Variants in NUP210 observed in about 807,000 individuals in gnomAD.
NUP210 encodes the protein nucleoporin 210, also known as nuclear pore membrane glycoprotein 210.
Under a neutral mutation model 196.0 loss-of-function variants are expected in NUP210, and 151 were observed. The ratio of observed to expected loss-of-function variants is 0.77; its 90% CI spans 0.67 to 0.88. The LOEUF (loss-of-function observed/expected upper bound fraction) is 0.88, where lower values mean the gene tolerates loss of function less well. NUP210 is among the 40% of genes least tolerant of loss of function. The pLI is 0.00. For synonymous variants in NUP210, 1,070 were observed against 1,052.7 expected, an observed-to-expected ratio of 1.02 and a Z score of -0.32; for missense variants, 2,314 against 2,493.7, an observed-to-expected ratio of 0.93 and a Z score of 1.53.
intron 32 of NUP210, among the ~76,000 whole-genome samples, chr3:13,326,594 G>A (rs1309284193): frequency 2.0e-5 from 3 of 152,188 alleles, no homozygotes; most frequent in Non-Finnish European, 4.4e-5. Flanking sequence ...AATTGTACAC[G>A]TGTTCCACAG....
chr3:13,356,725 C>A (rs926402267), intron 16 of NUP210, among the ~76,000 whole-genome samples: 35 of 152,214 alleles, frequency 2.3e-4, no homozygotes, highest in Non-Finnish European at 7.3e-5. Flanking sequence ...GGCTCAGGAA[C>A]CTGAGCACTG....
At position 13,317,350 on chromosome 3, in the gene NUP210, A is replaced by C; in HGVS notation, c.*331T>G. 1 of 339,528 alleles carries C rather than the reference A, an allele frequency of 2.9e-6. No individual in the cohort carries two copies. The allele number at this position is 339,528 out of a possible 1,614,324, so 21.0% of individuals were successfully genotyped here. A position where few individuals can be genotyped will look rare whatever the true frequency, so the allele number is the denominator to read the frequency against. On this transcript the variant is annotated 3_prime_UTR_variant, in exon 40 of 40. Coordinates refer to ENST00000254508, the MANE Select transcript of NUP210 (RefSeq NM_024923.4). The stretch of plus-strand genomic sequence containing the variant: ...CTTCTAACTGCTCAAAGTCTTGAGA[A>C]GGGAAAGATTTTAGCAAGGCTAGGA...
At chr3:13,388,895 C>A (rs553166362) in intron 4 of NUP210, among the ~76,000 whole-genome samples, 1 of 152,332 alleles carries the variant, frequency 6.6e-6, no homozygotes, top group East Asian at 1.9e-4. Context: ...CCCGGCCTAG[C>A]GCCCAGCTCT....
At chr3:13,391,144 G>T in intron 4 of NUP210, 67 bp downstream of exon 4, 1 of 1,099,324 alleles carries the variant, frequency 9.1e-7, no homozygotes, top group Non-Finnish European at 1.4e-6. Flanking sequence ...CGCTGGTGAG[G>T]AGCTCACAGG....
chr3:13,398,949 A>G (rs1194725085), intron 2 of NUP210, among the ~76,000 whole-genome samples: 1 of 152,112 alleles, frequency 6.6e-6, no homozygotes, highest in Non-Finnish European at 1.5e-5. Flanking sequence ...AGCAACATAA[A>G]AAAGAGAATA....
chr3:13,369,727 CG>C (rs1379864913), intron 13 of NUP210, among the ~76,000 whole-genome samples: 1 of 152,168 alleles, frequency 6.6e-6, no homozygotes, highest in Non-Finnish European at 1.5e-5. Flanking sequence ...TCACCATGTA[CG>C]AGCAGGTTTT....
At position 13,332,462 on chromosome 3, in the gene NUP210, A is replaced by T. The variant is rs372563831; in HGVS notation, c.3844-78T>A. 2.6e-6 allele frequency: 3 copies of T among 1,134,098 alleles called. No homozygotes were observed. In the South Asian group the frequency reaches 3.7e-5, roughly 14 times the overall value. The allele number at this position is 1,134,098 out of a possible 1,614,324, so 70.3% of individuals were successfully genotyped here. On this transcript the variant is annotated intron_variant, in intron 28 of 39. Coordinates refer to ENST00000254508, the MANE Select transcript of NUP210 (RefSeq NM_024923.4). ...GCCAGATGTCTGCTTCTCTCCTAGC[A>T]GCAAGAGCCGAGGAGGGGCCAGAGA...
chr3:13,369,535 T>G (rs570410149), intron 13 of NUP210, among the ~76,000 whole-genome samples: 77 of 152,312 alleles, frequency 5.1e-4, no homozygotes, highest in African/African-American at 1.8e-3. Context: ...TTTTAGAAGT[T>G]TTATAGTTTT....
chr3:13,360,440 T>A lies in NUP210; in HGVS notation c.1984A>T (p.Met662Leu). 1 of 1,613,598 alleles carries A rather than the reference T, an allele frequency of 6.2e-7. No individual in the cohort carries two copies. The highest frequency in any genetic ancestry group is 1.1e-5 in the South Asian group (1 of 90,924). Residue 662 changes from methionine (M) to leucine (L), a missense_variant, in exon 15 of 40, where the codon ATG becomes TTG. Met to Leu is a conservative substitution (Grantham distance 15). Transcript: ENST00000254508. ...GGTCTGGGACCTCCTTCAAACAGCA[T>A]CTCCTTTGAGGAGCCCAGGGTTACC... is the stretch of plus-strand genomic sequence containing the variant. ...ALVTLGSSKE[M>L]LFEGGPRPWI...
At chr3:13,384,574 A>T (rs1699213125) in intron 6 of NUP210, among the ~76,000 whole-genome samples, 1 of 152,212 alleles carries the variant, frequency 6.6e-6, no homozygotes, top group Non-Finnish European at 1.5e-5. Flanking sequence ...GTCTCTAAAA[A>T]ATAAAATAAA....
At chr3:13,397,621 G>A (rs1219434858) in intron 2 of NUP210, 133 bp from the exon 3 acceptor site, 3 of 909,142 alleles carry the variant, frequency 3.3e-6, no homozygotes, top group Non-Finnish European at 4.6e-6. Context: ...CCAAGCAGCT[G>A]CCTCACACAT....
chr3:13,337,794 G>C, intron 26 of NUP210, 43 bp downstream of exon 26: 10 of 1,552,034 alleles, frequency 6.4e-6, no homozygotes, highest in Middle Eastern at 1.7e-4. Flanking sequence ...CCCAGCAGTG[G>C]CTCTTCGGGA....
chr3:13,334,925 T>C (rs903093060), intron 28 of NUP210, among the ~76,000 whole-genome samples: 12 of 152,182 alleles, frequency 7.9e-5, no homozygotes, highest in Admixed American at 1.3e-4. Context: ...CCCAGGCCTC[T>C]TGAGGCCACC....
In NUP210 at chr3:13,348,864, G is replaced by A. The variant is rs965759278; in HGVS notation, c.2835+3015C>T. 7 of 985,254 alleles carry A rather than the reference G, an allele frequency of 7.1e-6. No individual in the cohort carries two copies. Among genetic ancestry groups the A allele is most frequent in the African/African-American group, 1.7e-5 (1 of 57,212 alleles). 61.0% of individuals were successfully genotyped at this position (985,254 alleles called of 1,614,324 possible). Reference sequence around the variant, plus strand: ...CATCAAACGCTGAAGGAAGGTTTTCGAAAACACCCCAAACACCAAACAAAA... The same window carrying A: ...CATCAAACGCTGAAGGAAGGTTTTCAAAAACACCCCAAACACCAAACAAAA... On this transcript the variant is annotated intron_variant, in intron 20 of 39. Coordinates refer to ENST00000254508, the MANE Select transcript of NUP210 (RefSeq NM_024923.4). This position sits in a 1 kb window ranked among gnomAD's most constrained non-coding sequence, Gnocchi z 4.0.
At chr3:13,391,175 TTCAAAG>T in intron 4 of NUP210, 30 bp downstream of exon 4, 4 of 1,504,344 alleles carry the variant, frequency 2.7e-6, no homozygotes, top group Non-Finnish European at 2.8e-6. Flanking sequence ...TCCCCTTCCC[TTCAAAG>T]GGGCCAGGCC....
rs1404678547 is a variant in NUP210, at chr3:13,339,992, A to G, written c.3333T>C (p.Leu1111=). The change falls in exon 25 of 40, where the codon CTT becomes CTC. Residue 1111 remains leucine, a synonymous_variant. Transcript: ENST00000254508. The part of the protein sequence containing the change: ...EGGPQPQSNI[L]FSISNESVAL... ...CAACGCTCTCATTGCTGATGGAGAAAAGGATGTTGGACTGAGGCTGGGGGC... is the reference window on the plus strand; with the variant it reads ...CAACGCTCTCATTGCTGATGGAGAAGAGGATGTTGGACTGAGGCTGGGGGC... The G allele has an allele frequency of 6.2e-7, 1 of 1,614,038 alleles. No individual in the cohort carries two copies. The highest frequency in any genetic ancestry group is 1.1e-5 in the South Asian group (1 of 91,086).
chr3:13,367,231 GT>G (rs1428549339), intron 13 of NUP210, among the ~76,000 whole-genome samples: 1 of 152,144 alleles, frequency 6.6e-6, no homozygotes, highest in African/African-American at 2.4e-5. Context: ...GAGGTCGGGA[GT>G]TTGAGACTAG....
intron 1 of NUP210, among the ~76,000 whole-genome samples, chr3:13,412,828 G>A (rs1294925404): frequency 1.3e-5 from 2 of 151,456 alleles, no homozygotes; most frequent in Non-Finnish European, 1.5e-5. Flanking sequence ...AAAATTAGCT[G>A]GGCATGGTGG....
chr3:13,380,171 C>T (rs1488283861), intron 6 of NUP210, among the ~76,000 whole-genome samples: 1 of 152,164 alleles, frequency 6.6e-6, no homozygotes, highest in African/African-American at 2.4e-5. Flanking sequence ...CTGCTGCCAT[C>T]CTCACCAGCT....
Sources: allele counts gnomAD v4.1 joint callset (sites outside exome capture counted in the v4.1 genomes callset), GRCh38; gene constraint gnomAD v4.1.1; non-coding constraint Gnocchi (gnomAD v3.1); transcripts MANE v1.5; gene names NCBI Gene and HGNC (gene_info 2026-07-23, HGNC 2026-07-21).